The following SLC18A1 variants were observed in gnomAD, a reference collection of about 807,000 sequenced individuals.
SLC18A1 encodes chromaffin granule amine transporter.
In SLC18A1, 69 loss-of-function variants were observed where a neutral mutation model predicts 53.7. The ratio of observed to expected loss-of-function variants is 1.28; its 90% confidence interval spans 1.06 to 1.57. The LOEUF is 1.57. Among genes scored for constraint, SLC18A1 ranks in the 40% most tolerant of loss-of-function variants. The pLI is 0.00. For synonymous variants in SLC18A1, 320 were observed against 248.1 expected (o/e 1.29, Z -2.72); for missense variants, 932 against 668.1 (o/e 1.40, Z -4.35).
chr8:20,182,699 A>G (rs2072460039), intron 1 of SLC18A1, among the ~76,000 whole-genome samples: 1 of 152,234 alleles, frequency 6.6e-6, no homozygotes, highest in Non-Finnish European at 1.5e-5. Flanking sequence ...TCACTACTAC[A>G]TATTAACGTG....
chr8:20,147,002 GC>G (rs1331391129), intron 15 of SLC18A1, among the ~76,000 whole-genome samples: 1 of 152,072 alleles, frequency 6.6e-6, no homozygotes, highest in African/African-American at 2.4e-5. Flanking sequence ...ATGGTCCTCT[GC>G]CCCCATTTCC....
At chr8:20,165,184 T>A in intron 8 of SLC18A1, 77 bp from the exon 9 acceptor site, 1 of 1,267,698 alleles carries the variant, frequency 7.9e-7, no homozygotes, top group Non-Finnish European at 1.2e-6. Context: ...TCTGAGAAAG[T>A]ACAATTATGG....
intron 10 of SLC18A1, among the ~76,000 whole-genome samples, chr8:20,160,365 G>A (rs373633627): frequency 6.0e-5 from 9 of 149,986 alleles, no homozygotes; most frequent in East Asian, 3.9e-4. Context: ...CTCAATCCAC[G>A]TTGCTCGTTC....
At chr8:20,182,441 G>T (rs1349379469) in intron 1 of SLC18A1, among the ~76,000 whole-genome samples, 2 of 152,164 alleles carry the variant, frequency 1.3e-5, no homozygotes, top group Non-Finnish European at 2.9e-5. Context: ...TATCTCAATT[G>T]TCTAAATATA....
intron 10 of SLC18A1, among the ~76,000 whole-genome samples, chr8:20,152,445 A>C (rs1294629702): frequency 1.3e-5 from 2 of 152,222 alleles, no homozygotes; most frequent in Non-Finnish European, 2.9e-5. Context: ...AGAAGTGAAC[A>C]AAATGGTAGG....
intron 10 of SLC18A1, among the ~76,000 whole-genome samples, chr8:20,160,653 T>C (rs1402924862): frequency 6.6e-6 from 1 of 152,208 alleles, no homozygotes; most frequent in Non-Finnish European, 1.5e-5. Flanking sequence ...ATACCTACTT[T>C]TTTACAAATT....
rs76501522 is a variant in SLC18A1 at position 20,172,733 on chromosome 8, C to G, written c.724+303G>C. Among the ~76,000 whole-genome samples the G allele has an allele frequency of 2.0e-3, 305 of 152,264 alleles. 1 individual carries two copies. The highest frequency in any genetic ancestry group is 7.0e-3 in the African/African-American group (289 of 41,540). On this transcript the variant is annotated intron_variant, in intron 6 of 15. Transcript: ENST00000276373. ...TATGCGTGTAACAGATTTAGCAGAG[C>G]ATCTGGCAGCAGCCATGCTCTGGTG...
intron 2 of SLC18A1, 146 bp from the exon 3 acceptor site, chr8:20,179,630 C>T (rs1159751554): frequency 2.6e-6 from 3 of 1,134,968 alleles, no homozygotes; most frequent in Non-Finnish European, 3.8e-6. Flanking sequence ...CATCTTACCA[C>T]TACTAGGATC....
At chr8:20,176,965 T>A (rs2072267563) in intron 4 of SLC18A1, among the ~76,000 whole-genome samples, 1 of 152,306 alleles carries the variant, frequency 6.6e-6, no homozygotes, top group South Asian at 2.1e-4. Flanking sequence ...CAGGCAACCA[T>A]CATATACACT....
At position 20,165,027 on chromosome 8, in the gene SLC18A1, G is replaced by T; in HGVS notation, c.919+20C>A. The T allele has an allele frequency of 6.2e-7, 1 of 1,614,044 alleles. No homozygotes were observed. The highest frequency in any genetic ancestry group is 8.5e-7 in the Non-Finnish European group (1 of 1,179,910). ...AAGCCCAGACACTCCCCGCCCAATG[G>T]GAGGTCATCGCCAGCTTACCTGCAG... On this transcript the variant is annotated intron_variant, in intron 9 of 15. Coordinates refer to ENST00000276373, the MANE Select transcript of SLC18A1 (RefSeq NM_003053.4).
Position 20,147,720 on chromosome 8 carries a change from T to C in SLC18A1, c.1213A>G (p.Met405Val). The C allele has an allele frequency of 1.2e-6, 2 of 1,613,012 alleles. No individual in the cohort carries two copies. The highest frequency in any genetic ancestry group is 1.7e-6 in the Non-Finnish European group (2 of 1,179,738). The change falls in exon 14 of 16, where the codon ATG becomes GTG. Residue 405 changes from methionine to valine, a missense_variant and splice_region_variant. By Grantham distance (21) the Met-to-Val change is conservative (BLOSUM62 1). Coordinates refer to ENST00000276373, the MANE Select transcript of SLC18A1 (RefSeq NM_003053.4). ...ATGGGCATCATAGAAGAATCCACCA[T>C]GCCTGTGGCCAGAGCAAACAGGACA... Reference protein sequence around the residue: ...PNAGLGLAIGMVDSSMMPIMG... With the variant: ...PNAGLGLAIGVVDSSMMPIMG...
chr8:20,163,297 C>T (rs2071875444), intron 10 of SLC18A1, among the ~76,000 whole-genome samples: 1 of 152,186 alleles, frequency 6.6e-6, no homozygotes, highest in Non-Finnish European at 1.5e-5. Context: ...CATCATCTCT[C>T]AAAGGTCCCA....
chr8:20,166,274 T>TGG (rs1433322060), intron 8 of SLC18A1, among the ~76,000 whole-genome samples: 17 of 97,918 alleles, frequency 1.7e-4, no homozygotes, highest in Admixed American at 8.3e-4. Context: ...AAATTGTGTG[T>TGG]GGGTGTGTGT....
intron 4 of SLC18A1, chr8:20,176,042 G>A (rs1585224014): frequency 1.3e-5 from 2 of 152,228 alleles, no homozygotes; most frequent in African/African-American, 4.8e-5. Context: ...TACATCCTGG[G>A]AAGCCCCTCA....
chr8:20,179,437 T>A lies in SLC18A1; in HGVS notation c.172A>T (p.Asn58Tyr). The part of the protein sequence containing the change: ...FLYDMEFKEV[N>Y]SSLHLGHAGS... ...GCATGGCCGAGGTGCAGAGAAGAGTTGACTTCTTTGAACTCCATGTCATAT... is the reference window on the plus strand; with the variant it reads ...GCATGGCCGAGGTGCAGAGAAGAGTAGACTTCTTTGAACTCCATGTCATAT... The change falls in exon 3 of 16, where the codon AAC becomes TAC. Residue 58 changes from asparagine to tyrosine, a missense_variant. Physicochemically the swap from Asn to Tyr is moderately radical, Grantham distance 143. Coordinates refer to ENST00000276373, the MANE Select transcript of SLC18A1 (RefSeq NM_003053.4). 6.2e-7 allele frequency: 1 copy of A among 1,613,824 alleles called. No homozygotes were observed. The highest frequency in any genetic ancestry group is 8.5e-7 in the Non-Finnish European group (1 of 1,180,018).
chr8:20,160,702 T>C (rs1234038699), intron 10 of SLC18A1, among the ~76,000 whole-genome samples: 1 of 152,220 alleles, frequency 6.6e-6, no homozygotes, highest in East Asian at 1.9e-4. Flanking sequence ...TTATTTTTGC[T>C]GCTGTAACAT....
chr8:20,171,378 C>A (rs1215066521), intron 7 of SLC18A1, 27 bp downstream of exon 7: 2 of 1,594,868 alleles, frequency 1.3e-6, no homozygotes, highest in African/African-American at 2.7e-5. Context: ...GGGCTGTCAC[C>A]TGCTGGAGGC....
At chr8:20,180,535 C>A (rs73214054) in intron 2 of SLC18A1, among the ~76,000 whole-genome samples, 42,668 of 152,076 alleles carry the variant, frequency 0.28, 6,741 homozygotes, top group Non-Finnish European at 0.36. Context: ...TCATTAGCAC[C>A]TTGAGAAGAC....
rs758430365 is a variant in SLC18A1 at position 20,147,696 on chromosome 8, T to C, written c.1237A>G (p.Ile413Val). Residue 413 changes from isoleucine (I) to valine (V), a missense_variant, in exon 14 of 16, where the codon ATC becomes GTC. By Grantham distance (29) the Ile-to-Val change is conservative. Coordinates refer to ENST00000276373, the MANE Select transcript of SLC18A1 (RefSeq NM_003053.4). ...CGTAGATCCACCAGGTGCCCCATGA[T>C]GGGCATCATAGAAGAATCCACCATG... ...IGMVDSSMMP[I>V]MGHLVDLRHT... is the part of the protein sequence containing the mutation. The C allele has an allele frequency of 1.9e-6, 3 of 1,613,730 alleles. No homozygotes were observed. The highest frequency in any genetic ancestry group is 2.2e-5 in the East Asian group (1 of 44,854).
Sources: gnomAD v4.1 joint callset for allele counts (sites outside exome capture counted in the v4.1 genomes callset) on GRCh38, gnomAD v4.1.1 for gene constraint, MANE v1.5 for transcripts, NCBI Gene and HGNC (gene_info 2026-07-23, HGNC 2026-07-21) for gene names.